PLEKHM3: variants seen among roughly 807,000 people sequenced by gnomAD.
PLEKHM3 encodes pleckstrin homology domain containing M3.
In PLEKHM3, 45 loss-of-function variants were observed where a neutral mutation model predicts 81.8. The ratio of observed to expected loss-of-function variants is 0.55; its 90% CI spans 0.43 to 0.71. PLEKHM3 has a LOEUF of 0.71. PLEKHM3 is among the 30% of genes least tolerant of loss of function. The probability of loss-of-function intolerance (pLI) is 0.00; values close to 1 mark genes in which losing one functional copy is unlikely to be tolerated. For synonymous variants in PLEKHM3, 352 were observed against 356.4 expected, an observed-to-expected ratio of 0.99 and a Z score of 0.14; for missense variants, 788 against 924.3, an observed-to-expected ratio of 0.85 and a Z score of 1.91.
Position 207,976,945 on chromosome 2 carries a change from G to C in PLEKHM3, c.1252C>G (p.Leu418Val), listed in dbSNP as rs756972953. 6.8e-6 allele frequency: 11 copies of C among 1,614,104 alleles called. No individual in the cohort carries two copies. Among genetic ancestry groups the C allele is most frequent in the Non-Finnish European group, 8.5e-6 (10 of 1,180,050 alleles). Residue 418 changes from leucine to valine, a missense_variant, in exon 3 of 8, where the codon CTG becomes GTG. Coordinates refer to ENST00000427836, the MANE Select transcript of PLEKHM3 (RefSeq NM_001080475.3). This position sits in a 1 kb window ranked among gnomAD's most constrained non-coding sequence, Gnocchi z 4.1. ...TGAAAGCAAGAGTCGCAGCCATCCA[G>C]GTTGTCCATCTGGACAGCCAGACAC... ...DVCLAVQMDN[L>V]DGCDSCFQVI...
At chr2:207,934,535 C>T (rs1299089336) in intron 4 of PLEKHM3, among the ~76,000 whole-genome samples, 1 of 152,174 alleles carries the variant, frequency 6.6e-6, no homozygotes, top group African/African-American at 2.4e-5. Flanking sequence ...GCTATAAGAA[C>T]TCAACTCTGT....
At chr2:207,996,196 T>A (rs1424058923) in intron 2 of PLEKHM3, among the ~76,000 whole-genome samples, 1 of 152,098 alleles carries the variant, frequency 6.6e-6, no homozygotes, top group Non-Finnish European at 1.5e-5. Flanking sequence ...GTGAACACAG[T>A]CAGGGAGAGA....
At chr2:207,917,077 A>C (rs1198091727) in intron 5 of PLEKHM3, among the ~76,000 whole-genome samples, 4 of 152,232 alleles carry the variant, frequency 2.6e-5, no homozygotes, top group Non-Finnish European at 5.9e-5. Context: ...GATGACTCAA[A>C]AACCACACTT....
At chr2:207,948,288 T>C (rs1427550374) in intron 3 of PLEKHM3, among the ~76,000 whole-genome samples, 1 of 151,312 alleles carries the variant, frequency 6.6e-6, no homozygotes, top group Admixed American at 6.6e-5. Context: ...CGTGCCTCTT[T>C]AAATTATCAT....
At chr2:207,989,096 C>G (rs1263375126) in intron 2 of PLEKHM3, among the ~76,000 whole-genome samples, 1 of 152,212 alleles carries the variant, frequency 6.6e-6, no homozygotes, top group Non-Finnish European at 1.5e-5. Flanking sequence ...CTCCTGAGAA[C>G]AGGAACCTTG....
At chr2:207,963,934 G>A (rs1384915824) in intron 3 of PLEKHM3, among the ~76,000 whole-genome samples, 1 of 152,212 alleles carries the variant, frequency 6.6e-6, no homozygotes, top group Non-Finnish European at 1.5e-5. Context: ...CATCCTGGCT[G>A]GGCATGGTGG....
intron 2 of PLEKHM3, among the ~76,000 whole-genome samples, chr2:207,990,580 A>G (rs1183196601): frequency 6.6e-6 from 1 of 152,202 alleles, no homozygotes; most frequent in Non-Finnish European, 1.5e-5. Flanking sequence ...TGTTCTCCTC[A>G]TTACAGGCAC....
chr2:208,019,408 C>G (rs1431136640), intron 1 of PLEKHM3, among the ~76,000 whole-genome samples: 2 of 152,130 alleles, frequency 1.3e-5, no homozygotes, highest in Admixed American at 6.6e-5. Context: ...TCTTCTTTAT[C>G]AACACTGTCC....
At chr2:207,990,830 T>C (rs768973814) in intron 2 of PLEKHM3, among the ~76,000 whole-genome samples, 6 of 152,194 alleles carry the variant, frequency 3.9e-5, no homozygotes, top group Non-Finnish European at 5.9e-5. Context: ...GACTTTCTTT[T>C]TGGGTAAAAA....
At position 207,828,248 on chromosome 2, in the gene PLEKHM3, C is replaced by A; in HGVS notation, c.*71G>T. The A allele has an allele frequency of 6.6e-7, 1 of 1,509,782 alleles. No individual in the cohort carries two copies. Among genetic ancestry groups the A allele is most frequent in the African/African-American group, 1.4e-5 (1 of 71,870 alleles). The allele number at this position is 1,509,782 out of a possible 1,614,324, so 93.5% of individuals were successfully genotyped here. On this transcript the variant is annotated 3_prime_UTR_variant, in exon 8 of 8. Transcript: ENST00000427836. Reference sequence around the variant, plus strand: ...TCTTCTTCCAAAGGGGTCTAACTGGCTAGTTAGGAGGCCGCTCTGGGGCTG... The same window carrying A: ...TCTTCTTCCAAAGGGGTCTAACTGGATAGTTAGGAGGCCGCTCTGGGGCTG...
chr2:207,899,168 T>G (rs549552876), intron 6 of PLEKHM3, among the ~76,000 whole-genome samples: 1 of 152,336 alleles, frequency 6.6e-6, no homozygotes, highest in East Asian at 1.9e-4. Context: ...GAGGTTGCCA[T>G]GCATCCTGGT....
chr2:207,958,776 G>A (rs945630781), intron 3 of PLEKHM3, among the ~76,000 whole-genome samples: 1 of 152,164 alleles, frequency 6.6e-6, no homozygotes, highest in Non-Finnish European at 1.5e-5. Flanking sequence ...CAGGCATGGT[G>A]GCACACGCCT....
chr2:208,021,461 A>G (rs1693129945), intron 1 of PLEKHM3, among the ~76,000 whole-genome samples: 1 of 152,192 alleles, frequency 6.6e-6, no homozygotes, highest in Non-Finnish European at 1.5e-5. Context: ...CTTTTCAATT[A>G]TAATTTGTTT....
rs193020794 is a variant in PLEKHM3, at chr2:207,831,377, C to T, written c.2109-2881G>A. On this transcript the variant is annotated intron_variant, in intron 7 of 7. Transcript: ENST00000427836. ...AGGCTCTTACCGAGCACCACGCTGC[C>T]GGCTGAGGCCTGGCCATCCCAGCGA... 2.0e-4 allele frequency among the ~76,000 whole-genome samples: 31 copies of T among 152,346 alleles called. No homozygotes were observed. In the East Asian group the frequency reaches 5.2e-3, roughly 26 times the overall value.
intron 7 of PLEKHM3, among the ~76,000 whole-genome samples, chr2:207,832,876 C>G (rs1169096176): frequency 6.6e-6 from 1 of 151,868 alleles, no homozygotes; most frequent in Non-Finnish European, 1.5e-5. Flanking sequence ...CTTTGGGAGG[C>G]TGAGGTGGGT....
chr2:207,933,721 C>G (rs764699222), intron 4 of PLEKHM3, among the ~76,000 whole-genome samples: 3 of 152,234 alleles, frequency 2.0e-5, no homozygotes, highest in Non-Finnish European at 4.4e-5. Context: ...ACAGCAGCCA[C>G]TGACATCAGT....
At chr2:207,847,219 G>A (rs893292649) in intron 7 of PLEKHM3, among the ~76,000 whole-genome samples, 1 of 152,178 alleles carries the variant, frequency 6.6e-6, no homozygotes, top group East Asian at 1.9e-4. Context: ...TGGCTTAATG[G>A]CATAAAGGGT....
At chr2:207,961,842 T>C (rs1690745523) in intron 3 of PLEKHM3, among the ~76,000 whole-genome samples, 1 of 152,206 alleles carries the variant, frequency 6.6e-6, no homozygotes, top group South Asian at 2.1e-4. Context: ...AGTAGCTGAC[T>C]GGAAATGAGG....
At chr2:207,892,114 A>G (rs1408912536) in intron 6 of PLEKHM3, among the ~76,000 whole-genome samples, 1 of 152,140 alleles carries the variant, frequency 6.6e-6, no homozygotes, top group Non-Finnish European at 1.5e-5. Flanking sequence ...GAGGACTGTC[A>G]GCACACTCCC....
Sources: allele counts gnomAD v4.1 joint callset (sites outside exome capture counted in the v4.1 genomes callset), GRCh38; gene constraint gnomAD v4.1.1; non-coding constraint Gnocchi (gnomAD v3.1); transcripts MANE v1.5; gene names NCBI Gene and HGNC (gene_info 2026-07-23, HGNC 2026-07-21).